Variants in DPP10 observed in about 807,000 individuals in gnomAD.
The protein encoded by DPP10 is dipeptidyl peptidase like 10.
Under a neutral mutation model 120.9 loss-of-function variants are expected in DPP10, and 33 were observed. That is an observed-to-expected ratio of 0.27 (90% CI 0.21 to 0.37). The LOEUF is 0.37. Ranked by LOEUF, DPP10 falls within the 10% of genes least tolerant of loss-of-function variation. The probability of loss-of-function intolerance (pLI) is 1.00; values close to 1 mark genes in which losing one functional copy is unlikely to be tolerated. For synonymous variants in DPP10, 337 were observed against 326.1 expected (o/e 1.03, Z -0.36); for missense variants, 816 against 942.8 (o/e 0.87, Z 1.76).
intron 5 of DPP10, among the ~76,000 whole-genome samples, chr2:115,672,707 T>C (rs191170506): frequency 3.4e-5 from 5 of 147,254 alleles, no homozygotes; most frequent in African/African-American, 1.3e-4. Flanking sequence ...TCTTTCTTTC[T>C]TTCTCTTTCT....
chr2:115,800,233 T>G (rs371707919), intron 19 of DPP10, among the ~76,000 whole-genome samples: 2 of 150,550 alleles, frequency 1.3e-5, no homozygotes, highest in Non-Finnish European at 2.9e-5. Flanking sequence ...TAAATGTCTT[T>G]TTTTGAGAAG....
intron 1 of DPP10, among the ~76,000 whole-genome samples, chr2:114,939,275 G>T (rs75325866): frequency 0.016 from 2,368 of 152,146 alleles, 64 homozygotes; most frequent in African/African-American, 0.054. Flanking sequence ...TGTTGAAAGG[G>T]GGGGGTGGTT....
chr2:115,740,706 ACT>A (rs1677151026), intron 9 of DPP10, among the ~76,000 whole-genome samples: 1 of 152,078 alleles, frequency 6.6e-6, no homozygotes, highest in Non-Finnish European at 1.5e-5. Flanking sequence ...TCTGGATTGT[ACT>A]GTTTTTTCCT....
chr2:114,749,935 A>C (rs924153892), intron 1 of DPP10, among the ~76,000 whole-genome samples: 2 of 152,182 alleles, frequency 1.3e-5, no homozygotes, highest in Non-Finnish European at 2.9e-5. Context: ...TAGTGTGATA[A>C]GTTTTTGTAA....
intron 4 of DPP10, among the ~76,000 whole-genome samples, chr2:115,507,338 A>G (rs2077001758): frequency 1.3e-5 from 2 of 152,142 alleles, no homozygotes; most frequent in Admixed American, 6.6e-5. Context: ...TGGGGATACA[A>G]TGGAGAGCAA....
chr2:115,587,547 G>A (rs6735481), intron 5 of DPP10, among the ~76,000 whole-genome samples: 56,818 of 151,964 alleles, frequency 0.37, 11,189 homozygotes, highest in African/African-American at 0.48. Flanking sequence ...AATAAAATCG[G>A]TATCTTGAAG....
At chr2:115,414,665 A>G (rs769703033) in intron 3 of DPP10, among the ~76,000 whole-genome samples, 4 of 152,188 alleles carry the variant, frequency 2.6e-5, no homozygotes, top group Non-Finnish European at 4.4e-5. Context: ...GTAATATCTG[A>G]AGTTGTACTG....
chr2:115,692,949 A>G (rs970648360), intron 7 of DPP10, among the ~76,000 whole-genome samples: 4 of 152,176 alleles, frequency 2.6e-5, no homozygotes, highest in Non-Finnish European at 5.9e-5. Context: ...TTCATTGGAA[A>G]ATAATCTGGA....
intron 5 of DPP10, among the ~76,000 whole-genome samples, chr2:115,535,639 A>G (rs1437176177): frequency 6.7e-5 from 10 of 149,832 alleles, no homozygotes; most frequent in Admixed American, 2.7e-4. Context: ...GTTTTTTCCA[A>G]TTCTGTGAAG....
chr2:115,008,125 T>C (rs1573277412), intron 1 of DPP10, among the ~76,000 whole-genome samples: 1 of 135,750 alleles, frequency 7.4e-6, no homozygotes, highest in Middle Eastern at 3.6e-3. Flanking sequence ...ACCAAGTCAA[T>C]CCTAAGCCAA....
rs1237997210 is a variant in DPP10, at chr2:114,619,422, TATAGTG to T, written c.60+176586_60+176591del. On this transcript the variant is annotated intron_variant, in intron 1 of 25. Coordinates refer to ENST00000410059, the MANE Select transcript of DPP10 (RefSeq NM_020868.6). ...GTGTGTGTGTGTGTGTACACACACA[TATAGTG>T]AGAGAGCCAGGTGAAATCCAAACAT... Among the ~76,000 whole-genome samples the T allele has an allele frequency of 2.0e-3, 308 of 151,028 alleles. 2 individuals carry two copies. Among genetic ancestry groups the T allele is most frequent in the African/African-American group, 7.1e-3 (290 of 41,090 alleles).
In DPP10 at chr2:115,569,849, T is replaced by C. The variant is rs527462456; in HGVS notation, c.441+43877T>C. 9.2e-5 allele frequency among the ~76,000 whole-genome samples: 14 copies of C among 152,368 alleles called. No individual in the cohort carries two copies. The South Asian group carries it at 2.9e-3, about 32-fold the overall frequency. On this transcript the variant is annotated intron_variant, in intron 5 of 25. Transcript: ENST00000410059. ...CTTTATTATTGTTAAGAATTAATTT[T>C]ATTACAAATGTGAACTAAAACTAAT...
At chr2:114,536,408 CT>C (rs70937287) in intron 1 of DPP10, among the ~76,000 whole-genome samples, 69 of 128,700 alleles carry the variant, frequency 5.4e-4, no homozygotes, top group African/African-American at 8.5e-4. Context: ...TTTTCTTTTT[CT>C]TTTTTTTTTT....
At chr2:114,633,184 T>C (rs1192105501) in intron 1 of DPP10, among the ~76,000 whole-genome samples, 1 of 132,358 alleles carries the variant, frequency 7.6e-6, no homozygotes, top group Non-Finnish European at 1.6e-5. Flanking sequence ...ATATTTTCAT[T>C]AAAAATTTAA....
chr2:114,978,407 A>G (rs1699882530), intron 1 of DPP10, among the ~76,000 whole-genome samples: 1 of 152,172 alleles, frequency 6.6e-6, no homozygotes, highest in Non-Finnish European at 1.5e-5. Flanking sequence ...GCTCTCCTCT[A>G]TATAACCAAC....
In DPP10 at chr2:114,650,309, A is replaced by G. The variant is rs57210138; in HGVS notation, c.60+207471A>G. 1.6e-4 allele frequency among the ~76,000 whole-genome samples: 24 copies of G among 152,318 alleles called. No homozygotes were observed. The East Asian group carries it at 4.6e-3, about 29-fold the overall frequency. ...TGGGGATCCTGTTACCTTGAAGGGC[A>G]GGGATGCCTGTTTTGATGCCTGAAG... On this transcript the variant is annotated intron_variant, in intron 1 of 25. Coordinates refer to ENST00000410059, the MANE Select transcript of DPP10 (RefSeq NM_020868.6).
Position 115,012,179 on chromosome 2 carries a change from CT to C in DPP10, c.61-297059del, listed in dbSNP as rs538265141. On this transcript the variant is annotated intron_variant, in intron 1 of 25. Coordinates refer to ENST00000410059, the MANE Select transcript of DPP10 (RefSeq NM_020868.6). ...AATTCAGATATGCCTATCCCTGCCC[CT>C]ACCCTGTGGTCTTTATCTACCAGCC... Among the ~76,000 whole-genome samples the C allele has an allele frequency of 5.6e-4, 85 of 152,284 alleles. 1 individual carries two copies. The highest frequency in any genetic ancestry group is 3.4e-3 in the Middle Eastern group (1 of 292).
intron 1 of DPP10, among the ~76,000 whole-genome samples, chr2:114,673,064 G>T (rs1330832886): frequency 1.3e-5 from 2 of 152,102 alleles, no homozygotes; most frequent in Non-Finnish European, 2.9e-5. Context: ...TTTGAGTATT[G>T]TATCTAGTGG....
In DPP10 at chr2:115,216,653, G is replaced by A. The variant is rs192016123; in HGVS notation, c.61-92586G>A. On this transcript the variant is annotated intron_variant, in intron 1 of 25. Transcript: ENST00000410059. ...ACAAAAATCAGCCAGGTGTGCTGGC[G>A]GGCACCTATAATCACAGCTACTCAG... Among the ~76,000 whole-genome samples the A allele has an allele frequency of 2.6e-3, 395 of 151,820 alleles. 1 individual carries two copies. The highest frequency in any genetic ancestry group is 4.4e-3 in the Non-Finnish European group (296 of 67,934).
Sources: allele counts gnomAD v4.1 joint callset (sites outside exome capture counted in the v4.1 genomes callset), GRCh38; gene constraint gnomAD v4.1.1; transcripts MANE v1.5; gene names NCBI Gene and HGNC (gene_info 2026-07-23, HGNC 2026-07-21).